RRAS2: variants seen among roughly 807,000 people sequenced by gnomAD.
The protein encoded by RRAS2 is RAS related 2.
A neutral mutation model predicts 27.6 loss-of-function variants in RRAS2; 7 were observed. The observed-to-expected ratio is 0.25, with a 90% CI of 0.14 to 0.48. RRAS2 has a LOEUF of 0.48. Ranked by LOEUF, RRAS2 falls within the 20% of genes least tolerant of loss-of-function variation. The pLI, the probability that RRAS2 is intolerant of heterozygous loss-of-function variation, is 0.99. For missense variants in RRAS2, 178 were observed against 256.2 expected, an observed-to-expected ratio of 0.69 and a Z score of 2.08; for synonymous variants, 86 against 90.9, an observed-to-expected ratio of 0.95 and a Z score of 0.31.
chr11:14,284,544 A>G (rs1361626816), intron 4 of RRAS2, among the ~76,000 whole-genome samples: 2 of 152,172 alleles, frequency 1.3e-5, no homozygotes, highest in African/African-American at 4.8e-5. Context: ...AGTCATCTGT[A>G]TCCTTACTGA....
chr11:14,294,454 G>A lies in RRAS2; in HGVS notation c.408+17C>T, dbSNP rs368669473. On this transcript the variant is annotated intron_variant, in intron 4 of 5. Transcript: ENST00000256196. ...ATTATAAACAATTGGTTTCCCAACA[G>A]TGAAATTCCTTCTCACCTGTCTTTG... is the stretch of plus-strand genomic sequence containing the variant. 56 of 1,488,210 alleles carry A rather than the reference G, an allele frequency of 3.8e-5. No homozygotes were observed. In the African/African-American group the frequency reaches 5.7e-4, roughly 15 times the overall value. The allele number at this position is 1,488,210 out of a possible 1,614,324, so 92.2% of individuals were successfully genotyped here.
chr11:14,351,590 C>G (rs1240477224), intron 1 of RRAS2, among the ~76,000 whole-genome samples: 1 of 152,044 alleles, frequency 6.6e-6, no homozygotes, highest in Non-Finnish European at 1.5e-5. Context: ...AGTAGCCGGG[C>G]ATGGTGGCAA....
chr11:14,279,449 A>G, intron 5 of RRAS2, 25 bp from the exon 6 acceptor site: 3 of 1,510,714 alleles, frequency 2.0e-6, no homozygotes, highest in Non-Finnish European at 2.8e-6. Flanking sequence ...ATTCTAAAAT[A>G]TAATTGCCTT....
At chr11:14,346,052 AAAGAC>A (rs1848822350) in intron 1 of RRAS2, among the ~76,000 whole-genome samples, 1 of 152,242 alleles carries the variant, frequency 6.6e-6, no homozygotes, top group Non-Finnish European at 1.5e-5. Context: ...GGCCTTCTGA[AAAGAC>A]AAGAGAACAT....
rs1184386891 is a variant in RRAS2, at chr11:14,324,385, T to C, written c.109-28530A>G. ...GACTAACTCTAGTAAAAATATATTCTAGACCTTTAGGGAAAGAAATAATTA... is the reference window on the plus strand; with the variant it reads ...GACTAACTCTAGTAAAAATATATTCCAGACCTTTAGGGAAAGAAATAATTA... On this transcript the variant is annotated intron_variant, in intron 1 of 5. Coordinates refer to ENST00000256196, the MANE Select transcript of RRAS2 (RefSeq NM_012250.6). Among the ~76,000 whole-genome samples, 9 of 144,364 alleles carry C rather than the reference T, an allele frequency of 6.2e-5. No individual in the cohort carries two copies. In the Admixed American group the frequency reaches 6.3e-4, roughly 10 times the overall value. 94.7% of individuals were successfully genotyped at this position (144,364 alleles called of 152,430 possible).
intron 1 of RRAS2, among the ~76,000 whole-genome samples, chr11:14,320,339 A>G (rs1049202549): frequency 1.3e-5 from 2 of 152,220 alleles, no homozygotes; most frequent in Admixed American, 6.5e-5. Flanking sequence ...TTTTTCAAAT[A>G]GCAGTATGCC....
chr11:14,290,589 G>C (rs977095884), intron 4 of RRAS2, among the ~76,000 whole-genome samples: 1 of 152,230 alleles, frequency 6.6e-6, no homozygotes, highest in South Asian at 2.1e-4. Flanking sequence ...ACACTTTAGA[G>C]AGACACGGAG....
At chr11:14,335,234 C>T (rs1366313971) in intron 1 of RRAS2, among the ~76,000 whole-genome samples, 1 of 152,174 alleles carries the variant, frequency 6.6e-6, no homozygotes, top group African/African-American at 2.4e-5. Flanking sequence ...TCCAGAGTCC[C>T]ACCTTGAGCC....
chr11:14,301,786 CTGGCCAACA>C (rs1194804321), intron 1 of RRAS2, among the ~76,000 whole-genome samples: 1 of 152,076 alleles, frequency 6.6e-6, no homozygotes, highest in Non-Finnish European at 1.5e-5. Flanking sequence ...CGAGACCAGC[CTGGCCAACA>C]TGGTGAAACC....
At chr11:14,325,404 C>G (rs1554950866) in intron 1 of RRAS2, among the ~76,000 whole-genome samples, 1 of 151,520 alleles carries the variant, frequency 6.6e-6, no homozygotes, top group African/African-American at 2.4e-5. Context: ...CTCTGCCTCC[C>G]GGGTTCATGC....
chr11:14,329,132 T>C (rs1171402922), intron 1 of RRAS2, among the ~76,000 whole-genome samples: 2 of 151,228 alleles, frequency 1.3e-5, no homozygotes, highest in Admixed American at 1.3e-4. Context: ...TTTTTTGAGA[T>C]GGAGTTTCAC....
intron 1 of RRAS2, among the ~76,000 whole-genome samples, chr11:14,304,526 G>C (rs537989918): frequency 6.6e-6 from 1 of 152,298 alleles, no homozygotes; most frequent in East Asian, 1.9e-4. Flanking sequence ...AAATGAATTA[G>C]AGTTCCAGTT....
intron 1 of RRAS2, among the ~76,000 whole-genome samples, chr11:14,315,914 G>A (rs1261645563): frequency 1.3e-5 from 2 of 152,052 alleles, no homozygotes; most frequent in Non-Finnish European, 2.9e-5. Flanking sequence ...CAAGATAAAG[G>A]GAGACCAGAT....
rs1849453189 is a variant in RRAS2, at chr11:14,279,238, T to C, written c.*99A>G. 1 of 859,104 alleles carries C rather than the reference T, an allele frequency of 1.2e-6. No homozygotes were observed. Among genetic ancestry groups the C allele is most frequent in the South Asian group, 1.4e-5 (1 of 70,360 alleles). 53.2% of individuals were successfully genotyped at this position (859,104 alleles called of 1,614,324 possible). A position where few individuals can be genotyped will look rare whatever the true frequency, so the allele number is the denominator to read the frequency against. ...CGTCTAAGGCTAACATGGTGATCAT[T>C]TGTCTAAGGCTAGAAAGGTACCAAC... On this transcript the variant is annotated 3_prime_UTR_variant, in exon 6 of 6. Transcript: ENST00000256196.
intron 1 of RRAS2, among the ~76,000 whole-genome samples, chr11:14,327,586 C>G (rs1040302227): frequency 1.3e-5 from 2 of 152,158 alleles, no homozygotes; most frequent in African/African-American, 4.8e-5. Flanking sequence ...TCTCTACCCC[C>G]CTTTCTCTTC....
chr11:14,303,484 C>G (rs1409876223), intron 1 of RRAS2, among the ~76,000 whole-genome samples: 1 of 152,152 alleles, frequency 6.6e-6, no homozygotes, highest in Non-Finnish European at 1.5e-5. Flanking sequence ...TGCCTGTAAT[C>G]CCAGCCCTTT....
chr11:14,305,348 T>C (rs1847807398), intron 1 of RRAS2, among the ~76,000 whole-genome samples: 1 of 152,364 alleles, frequency 6.6e-6, no homozygotes, highest in Non-Finnish European at 1.5e-5. Context: ...CAAAAGCTAC[T>C]ACTGGATATG....
intron 1 of RRAS2, among the ~76,000 whole-genome samples, chr11:14,316,784 A>G (rs1416855859): frequency 1.3e-5 from 2 of 152,232 alleles, no homozygotes; most frequent in Non-Finnish European, 2.9e-5. Context: ...TCTCATTTCA[A>G]CTAACACTTA....
chr11:14,338,164 A>C (rs976527456), intron 1 of RRAS2, among the ~76,000 whole-genome samples: 1 of 152,232 alleles, frequency 6.6e-6, no homozygotes, highest in South Asian at 2.1e-4. Context: ...AGTAGGTTGC[A>C]ATAAATTATA....
Sources: gnomAD v4.1 joint callset for allele counts (sites outside exome capture counted in the v4.1 genomes callset) on GRCh38, gnomAD v4.1.1 for gene constraint, MANE v1.5 for transcripts, NCBI Gene and HGNC (gene_info 2026-07-23, HGNC 2026-07-21) for gene names.